The following TRAT1 variants were observed in gnomAD, a reference collection of about 807,000 sequenced individuals.
The protein encoded by TRAT1 is T-cell receptor-associated transmembrane adapter 1.
TRAT1 carries 20 observed loss-of-function variants against 20.0 expected under a neutral mutation model. That is an observed-to-expected ratio of 1.00 (90% CI 0.70 to 1.45). The LOEUF (loss-of-function observed/expected upper bound fraction) is 1.45, where lower values mean the gene tolerates loss of function less well. Ranked by LOEUF, TRAT1 falls within the 40% of genes most tolerant of loss-of-function variation. The pLI is 0.00. For synonymous variants in TRAT1, 77 were observed against 74.2 expected, an observed-to-expected ratio of 1.04 and a Z score of -0.20; for missense variants, 237 against 224.1, an observed-to-expected ratio of 1.06 and a Z score of -0.37.
chr3:108,834,323 G>A (rs979994085), intron 2 of TRAT1, among the ~76,000 whole-genome samples: 4 of 152,176 alleles, frequency 2.6e-5, no homozygotes, highest in African/African-American at 9.7e-5. Flanking sequence ...TCAACGCTAA[G>A]AATGTCCTTT....
intron 3 of TRAT1, 97 bp from the exon 4 acceptor site, chr3:108,846,971 G>A (rs1945952633): frequency 2.3e-6 from 2 of 862,932 alleles, no homozygotes; most frequent in Non-Finnish European, 3.8e-6. Context: ...CCAAGAATAG[G>A]CAATAGTTCA....
At chr3:108,838,859 C>T in intron 2 of TRAT1, 75 bp from the exon 3 acceptor site, 2 of 1,188,092 alleles carry the variant, frequency 1.7e-6, no homozygotes, top group Non-Finnish European at 2.5e-6. Flanking sequence ...AAACTCCCCT[C>T]AGAACACACT....
chr3:108,833,722 T>G (rs961850581), intron 2 of TRAT1, among the ~76,000 whole-genome samples: 2 of 152,036 alleles, frequency 1.3e-5, no homozygotes, highest in Non-Finnish European at 2.9e-5. Flanking sequence ...ACAAGTAACA[T>G]AATTTCTCTG....
intron 3 of TRAT1, among the ~76,000 whole-genome samples, chr3:108,839,663 AG>A (rs1330001286): frequency 1.1e-4 from 16 of 151,590 alleles, no homozygotes; most frequent in South Asian, 6.2e-4. Context: ...AAAAAAAAAA[AG>A]ATGTGTATAC....
chr3:108,825,646 T>C (rs1016783004), intron 1 of TRAT1, among the ~76,000 whole-genome samples: 1 of 152,144 alleles, frequency 6.6e-6, no homozygotes. Context: ...GGAAAGATTG[T>C]CAATTAAAGA....
intron 2 of TRAT1, among the ~76,000 whole-genome samples, chr3:108,838,059 G>A (rs557299554): frequency 2.0e-5 from 3 of 152,226 alleles, no homozygotes; most frequent in Admixed American, 2.0e-4. Context: ...GTTTTTTTCT[G>A]TGGTTTTGTT....
intron 4 of TRAT1, 54 bp from the exon 5 acceptor site, chr3:108,849,112 A>G: frequency 1.4e-6 from 2 of 1,411,612 alleles, no homozygotes; most frequent in Non-Finnish European, 2.0e-6. Context: ...ATTTTTAATC[A>G]TACTAGTATT....
chr3:108,841,704 C>T (rs1945898280), intron 3 of TRAT1, among the ~76,000 whole-genome samples: 1 of 152,178 alleles, frequency 6.6e-6, no homozygotes, highest in Non-Finnish European at 1.5e-5. Context: ...CTTCCTGCAA[C>T]AGTACGTCAG....
At chr3:108,845,782 T>C (rs1342694958) in intron 3 of TRAT1, among the ~76,000 whole-genome samples, 1 of 152,122 alleles carries the variant, frequency 6.6e-6, no homozygotes, top group Non-Finnish European at 1.5e-5. Flanking sequence ...TCGGTACTAT[T>C]TTATGAAATG....
rs145436136 is a variant in TRAT1 at position 108,853,943 on chromosome 3, A to G, written c.*66A>G. 7.1e-4 allele frequency: 1,050 copies of G among 1,488,494 alleles called. 3 individuals carry two copies. In the African/African-American group the frequency reaches 0.013, roughly 19 times the overall value. 92.2% of individuals were successfully genotyped at this position (1,488,494 alleles called of 1,614,324 possible). ...GATGGCTTCTAAGAAAACAAGATGC[A>G]CAGAGGACACAGAAGGACTTGGCAG... On this transcript the variant is annotated 3_prime_UTR_variant, in exon 6 of 6. Transcript: ENST00000295756.
chr3:108,822,827 C>A lies in TRAT1; in HGVS notation c.-101C>A. On this transcript the variant is annotated 5_prime_UTR_variant, in exon 1 of 6. Coordinates refer to ENST00000295756, the MANE Select transcript of TRAT1 (RefSeq NM_016388.4). Reference sequence around the variant, plus strand: ...AGTTTTACTGTCATGCTGCTTTTAACATAACAGAGCAACATCACCTAGGAA... The same window carrying A: ...AGTTTTACTGTCATGCTGCTTTTAAAATAACAGAGCAACATCACCTAGGAA... 2.1e-6 allele frequency: 2 copies of A among 953,818 alleles called. No individual in the cohort carries two copies. The highest frequency in any genetic ancestry group is 1.5e-5 in the South Asian group (1 of 68,794). 59.1% of individuals were successfully genotyped at this position (953,818 alleles called of 1,614,324 possible).
chr3:108,831,703 C>CT lies in TRAT1; in HGVS notation c.118+924dup, dbSNP rs568845244. ...TACAGGCATGCACAAACACATCCAG[C>CT]TAATTTTCAGAAATTTTTTGTAGAG... is the stretch of plus-strand genomic sequence containing the variant. On this transcript the variant is annotated intron_variant, in intron 2 of 5. Transcript: ENST00000295756. Among the ~76,000 whole-genome samples the CT allele has an allele frequency of 2.9e-4, 44 of 152,142 alleles. 1 individual carries two copies. In the East Asian group the frequency reaches 7.6e-3, roughly 26 times the overall value.
At chr3:108,835,865 T>C (rs1945834452) in intron 2 of TRAT1, among the ~76,000 whole-genome samples, 1 of 152,100 alleles carries the variant, frequency 6.6e-6, no homozygotes, top group Non-Finnish European at 1.5e-5. Flanking sequence ...ATTCAGCACA[T>C]TCCCATTCAA....
At chr3:108,829,204 G>T (rs891645346) in intron 1 of TRAT1, among the ~76,000 whole-genome samples, 2 of 152,142 alleles carry the variant, frequency 1.3e-5, no homozygotes, top group African/African-American at 2.4e-5. Flanking sequence ...ACTGTAAAAT[G>T]AGTTTGTAGG....
At chr3:108,844,555 A>G (rs1381647146) in intron 3 of TRAT1, among the ~76,000 whole-genome samples, 1 of 151,792 alleles carries the variant, frequency 6.6e-6, no homozygotes, top group African/African-American at 2.4e-5. Context: ...TAGAAAAAAT[A>G]TAAATGTGGC....
intron 5 of TRAT1, among the ~76,000 whole-genome samples, chr3:108,850,668 G>A (rs1185386395): frequency 6.6e-6 from 1 of 152,040 alleles, no homozygotes; most frequent in East Asian, 1.9e-4. Flanking sequence ...CACCAAATCT[G>A]CCATATAATG....
intron 1 of TRAT1, 149 bp downstream of exon 1, chr3:108,823,083 AC>A: frequency 1.6e-6 from 1 of 641,310 alleles, no homozygotes; most frequent in Admixed American, 3.3e-5. Flanking sequence ...ATATTTTGAA[AC>A]ATGTTAATGA....
At chr3:108,830,087 T>C (rs1378353062) in intron 1 of TRAT1, among the ~76,000 whole-genome samples, 1 of 152,142 alleles carries the variant, frequency 6.6e-6, no homozygotes, top group African/African-American at 2.4e-5. Context: ...TGACCCTGTG[T>C]AGGCCTAGGG....
At chr3:108,847,334 A>T in intron 4 of TRAT1, 1 of 436,764 alleles carries the variant, frequency 2.3e-6, no homozygotes, top group East Asian at 4.1e-5. Context: ...CTAAATCAAC[A>T]TCCTGTTTTT....
Sources: gnomAD v4.1 joint callset for allele counts (sites outside exome capture counted in the v4.1 genomes callset) on GRCh38, gnomAD v4.1.1 for gene constraint, MANE v1.5 for transcripts, NCBI Gene and HGNC (gene_info 2026-07-23, HGNC 2026-07-21) for gene names.